Variants in SLC25A21 observed in about 807,000 individuals in gnomAD.
SLC25A21 encodes mitochondrial 2-oxodicarboxylate carrier.
SLC25A21 carries 47 observed loss-of-function variants against 43.8 expected under a neutral mutation model. The observed-to-expected ratio is 1.07, with a 90% confidence interval of 0.85 to 1.37. The LOEUF is 1.37. Ranked by LOEUF, SLC25A21 falls within the 40% of genes most tolerant of loss-of-function variation. The pLI is 0.00. For synonymous variants in SLC25A21, 131 were observed against 121.3 expected (o/e 1.08, Z -0.52); for missense variants, 352 against 350.2 (o/e 1.00, Z -0.04).
intron 2 of SLC25A21, among the ~76,000 whole-genome samples, chr14:36,854,933 T>TG (rs569987342): frequency 0.32 from 42,754 of 133,930 alleles, 6,697 homozygotes; most frequent in African/African-American, 0.44. Context: ...GGGCATGAGG[T>TG]GGGGGGGGGT....
chr14:36,705,645 C>A (rs1883512507), intron 7 of SLC25A21, among the ~76,000 whole-genome samples: 1 of 152,074 alleles, frequency 6.6e-6, no homozygotes, highest in African/African-American at 2.4e-5. Flanking sequence ...ATTTCCACTC[C>A]CCAGAGAAAA....
intron 1 of SLC25A21, among the ~76,000 whole-genome samples, chr14:37,165,333 C>T (rs984642383): frequency 3.3e-5 from 5 of 151,614 alleles, no homozygotes; most frequent in Admixed American, 1.3e-4. Context: ...GCCAAGATTG[C>T]GCCACTGTAC....
chr14:37,052,297 T>C (rs1282299916), intron 1 of SLC25A21, among the ~76,000 whole-genome samples: 1 of 152,178 alleles, frequency 6.6e-6, no homozygotes, highest in Non-Finnish European at 1.5e-5. Context: ...AAATCGATAG[T>C]ATAAACTTTA....
intron 2 of SLC25A21, among the ~76,000 whole-genome samples, chr14:36,847,226 G>A (rs565823679): frequency 9.9e-5 from 15 of 152,284 alleles, no homozygotes; most frequent in African/African-American, 3.6e-4. Flanking sequence ...ATCAGACAGT[G>A]AATGAATGCA....
At chr14:37,023,422 T>TA (rs138304894) in intron 1 of SLC25A21, among the ~76,000 whole-genome samples, 64 of 150,356 alleles carry the variant, frequency 4.3e-4, no homozygotes, top group East Asian at 2.5e-3. Context: ...AAGAGGAACT[T>TA]AAAAAAAAAA....
At chr14:36,851,635 C>A (rs746972598) in intron 2 of SLC25A21, among the ~76,000 whole-genome samples, 2 of 152,084 alleles carry the variant, frequency 1.3e-5, no homozygotes, top group African/African-American at 2.4e-5. Flanking sequence ...ATAAGCTACA[C>A]AAAAAATGGG....
At chr14:36,705,376 G>A (rs1223236590) in intron 7 of SLC25A21, among the ~76,000 whole-genome samples, 2 of 151,978 alleles carry the variant, frequency 1.3e-5, no homozygotes, top group African/African-American at 2.4e-5. Flanking sequence ...TTTTACGTCC[G>A]CAAACATAGC....
intron 1 of SLC25A21, among the ~76,000 whole-genome samples, chr14:36,895,656 T>G (rs1891216697): frequency 6.6e-6 from 1 of 152,220 alleles, no homozygotes; most frequent in Non-Finnish European, 1.5e-5. Context: ...AGATCTTTCC[T>G]GCTTTCTCTT....
intron 1 of SLC25A21, among the ~76,000 whole-genome samples, chr14:36,961,854 G>A (rs894103691): frequency 2.0e-5 from 3 of 152,174 alleles, no homozygotes; most frequent in South Asian, 2.1e-4. Flanking sequence ...AGGAGCTAGA[G>A]CAGTTGTGAG....
In SLC25A21 at chr14:36,934,922, A is replaced by C. The variant is rs539516139; in HGVS notation, c.71-59918T>G. Reference sequence around the variant, plus strand: ...TTCATTCCACTAGATACCTCAGATAATCTCCCTAAGTACTACCTTTCCCGC... The same window carrying C: ...TTCATTCCACTAGATACCTCAGATACTCTCCCTAAGTACTACCTTTCCCGC... On this transcript the variant is annotated intron_variant, in intron 1 of 9. Coordinates refer to ENST00000331299, the MANE Select transcript of SLC25A21 (RefSeq NM_030631.4). 1.2e-3 allele frequency among the ~76,000 whole-genome samples: 180 copies of C among 151,980 alleles called. 1 individual carries two copies. The highest frequency in any genetic ancestry group is 4.1e-3 in the African/African-American group (168 of 41,472).
At chr14:36,902,215 G>T (rs978652972) in intron 1 of SLC25A21, among the ~76,000 whole-genome samples, 2 of 152,194 alleles carry the variant, frequency 1.3e-5, no homozygotes, top group African/African-American at 4.8e-5. Flanking sequence ...GGAAATACTG[G>T]ATTCCTCAGA....
chr14:36,965,304 A>G (rs1046481997), intron 1 of SLC25A21, among the ~76,000 whole-genome samples: 4 of 152,158 alleles, frequency 2.6e-5, no homozygotes, highest in African/African-American at 9.6e-5. Context: ...CAAGTACATC[A>G]ATCTTTCACA....
At chr14:36,929,589 T>C (rs1203283531) in intron 1 of SLC25A21, among the ~76,000 whole-genome samples, 2 of 152,288 alleles carry the variant, frequency 1.3e-5, no homozygotes, top group African/African-American at 2.4e-5. Flanking sequence ...TGGTTCGAAG[T>C]AGCAGGCTTG....
At chr14:36,780,035 G>A (rs958872889) in intron 3 of SLC25A21, among the ~76,000 whole-genome samples, 3 of 151,776 alleles carry the variant, frequency 2.0e-5, no homozygotes, top group African/African-American at 7.3e-5. Flanking sequence ...TTATTGATCT[G>A]TTCAGATTTT....
chr14:36,851,579 G>C (rs1313225805), intron 2 of SLC25A21, among the ~76,000 whole-genome samples: 2 of 152,080 alleles, frequency 1.3e-5, no homozygotes, highest in African/African-American at 2.4e-5. Flanking sequence ...CCAGGTGTTG[G>C]GAGAATTAAT....
At chr14:36,864,613 A>C (rs1180437175) in intron 2 of SLC25A21, among the ~76,000 whole-genome samples, 2 of 152,350 alleles carry the variant, frequency 1.3e-5, no homozygotes, top group East Asian at 3.9e-4. Flanking sequence ...AGTTGCACTC[A>C]CAATATATTT....
intron 1 of SLC25A21, among the ~76,000 whole-genome samples, chr14:36,963,513 A>G (rs1227879760): frequency 1.3e-5 from 2 of 152,222 alleles, no homozygotes; most frequent in Non-Finnish European, 2.9e-5. Context: ...GTTATGATCA[A>G]AACAGACAGT....
chr14:36,953,198 C>A (rs1028409271), intron 1 of SLC25A21, among the ~76,000 whole-genome samples: 2 of 152,128 alleles, frequency 1.3e-5, no homozygotes, highest in Non-Finnish European at 2.9e-5. Context: ...TAAAATGTTT[C>A]TTAATCATCA....
intron 1 of SLC25A21, among the ~76,000 whole-genome samples, chr14:37,153,234 T>C (rs1963789358): frequency 6.6e-6 from 1 of 152,114 alleles, no homozygotes; most frequent in African/African-American, 2.4e-5. Flanking sequence ...CCTAAGAAGC[T>C]ACAGGAAGGT....
Sources: gnomAD v4.1 joint callset for allele counts (sites outside exome capture counted in the v4.1 genomes callset) on GRCh38, gnomAD v4.1.1 for gene constraint, MANE v1.5 for transcripts, NCBI Gene and HGNC (gene_info 2026-07-23, HGNC 2026-07-21) for gene names.